KIAA0753: variants seen among roughly 807,000 people sequenced by gnomAD.
The protein encoded by KIAA0753 is protein moonraker.
In KIAA0753, 114 loss-of-function variants were observed where a neutral mutation model predicts 116.9. The observed-to-expected ratio is 0.98, with a 90% CI of 0.84 to 1.14. KIAA0753 has a LOEUF of 1.14. Among genes scored for constraint, KIAA0753 ranks in the 50% most tolerant of loss-of-function variants. KIAA0753 has a pLI of 0.00. For synonymous variants in KIAA0753, 405 were observed against 413.1 expected (o/e 0.98, Z 0.24); for missense variants, 1,156 against 1,172.4 (o/e 0.99, Z 0.20).
intron 8 of KIAA0753, among the ~76,000 whole-genome samples, chr17:6,611,641 G>GA (rs1309402485): frequency 2.0e-5 from 3 of 151,632 alleles, no homozygotes; most frequent in Non-Finnish European, 4.4e-5. Flanking sequence ...ATCAGAAGCA[G>GA]AAAAAAAACT....
At chr17:6,610,437 T>A (rs1356570286) in intron 8 of KIAA0753, among the ~76,000 whole-genome samples, 1 of 151,720 alleles carries the variant, frequency 6.6e-6, no homozygotes, top group Non-Finnish European at 1.5e-5. Context: ...TTTTTATTTA[T>A]TCACAATTTG....
In KIAA0753 at chr17:6,635,083, A is replaced by G. The variant is rs1677237718; in HGVS notation, c.21T>C (p.Ala7=). Residue 7 remains alanine (A), a synonymous_variant, in exon 2 of 19, where the codon GCT becomes GCC. Coordinates refer to ENST00000361413, the MANE Select transcript of KIAA0753 (RefSeq NM_014804.3). The part of the protein sequence containing the change: MGPGQP[A]STCVHLAPRT... Reference sequence around the variant, plus strand: ...TAGGTGCTAGATGAACACAGGTTGAAGCTGGCTGGCCTGGTCCCATAATGT... The same window carrying G: ...TAGGTGCTAGATGAACACAGGTTGAGGCTGGCTGGCCTGGTCCCATAATGT... 6.2e-7 allele frequency: 1 copy of G among 1,613,824 alleles called. No homozygotes were observed. Among genetic ancestry groups the G allele is most frequent in the Non-Finnish European group, 8.5e-7 (1 of 1,179,832 alleles).
chr17:6,607,440 A>C (rs1297134693), intron 10 of KIAA0753, among the ~76,000 whole-genome samples, 170 bp from the exon 11 acceptor site: 1 of 152,196 alleles, frequency 6.6e-6, no homozygotes, highest in African/African-American at 2.4e-5. Flanking sequence ...AGCTCTCTAG[A>C]ACGTGTTCCA....
Position 6,589,787 on chromosome 17 carries a change from T to C in KIAA0753, c.2778A>G (p.Ile926Met), listed in dbSNP as rs61735435. ...EAVGSFNPWL[I>M]AESFSEELVD... is the part of the protein sequence containing the mutation. Reference sequence around the variant, plus strand: ...CGTAACATTTTACTGACCTTTCAGCTATCAGCCACGGGTTGAAGGAGCCTA... The same window carrying C: ...CGTAACATTTTACTGACCTTTCAGCCATCAGCCACGGGTTGAAGGAGCCTA... The change falls in exon 18 of 19, where the codon ATA (isoleucine) becomes ATG (methionine). Residue 926 changes from isoleucine (I) to methionine (M), a missense_variant. By Grantham distance (10) the Ile-to-Met change is conservative. Coordinates refer to ENST00000361413, the MANE Select transcript of KIAA0753 (RefSeq NM_014804.3). The C allele has an allele frequency of 0.022, 35,255 of 1,600,498 alleles. 481 individuals carry two copies. Among genetic ancestry groups the C allele is most frequent in the South Asian group, 0.03 (2,686 of 88,340 alleles).
chr17:6,604,523 G>A (rs1403097410), intron 12 of KIAA0753, among the ~76,000 whole-genome samples: 5 of 152,090 alleles, frequency 3.3e-5, no homozygotes, highest in Non-Finnish European at 7.4e-5. Context: ...ATGATGTAAA[G>A]AAAAGAAGTC....
At chr17:6,581,531 G>A (rs1968179588) in intron 18 of KIAA0753, among the ~76,000 whole-genome samples, 1 of 152,176 alleles carries the variant, frequency 6.6e-6, no homozygotes, top group African/African-American at 2.4e-5. Context: ...GATACTTTGA[G>A]ACTATGTAAA....
chr17:6,588,774 A>G (rs978918093), intron 18 of KIAA0753, among the ~76,000 whole-genome samples: 10 of 152,166 alleles, frequency 6.6e-5, no homozygotes, highest in Non-Finnish European at 1.5e-4. Flanking sequence ...TAAAAAGAAT[A>G]GATTTACACC....
At chr17:6,589,664 T>G in intron 18 of KIAA0753, 115 bp downstream of exon 18, 1 of 696,306 alleles carries the variant, frequency 1.4e-6, no homozygotes, top group Non-Finnish European at 2.3e-6. Context: ...CCACTGAAAC[T>G]CCAGGGCCCA....
At chr17:6,633,588 T>C (rs1365162277) in intron 2 of KIAA0753, among the ~76,000 whole-genome samples, 2 of 152,220 alleles carry the variant, frequency 1.3e-5, no homozygotes, top group East Asian at 3.9e-4. Flanking sequence ...TGTATAAGAA[T>C]GTTCATAGCA....
Position 6,623,500 on chromosome 17 carries a change from G to T in KIAA0753, c.888+9C>A. 6.3e-7 allele frequency: 1 copy of T among 1,583,020 alleles called. No individual in the cohort carries two copies. Among genetic ancestry groups the T allele is most frequent in the East Asian group, 2.2e-5 (1 of 44,686 alleles). ...AGCAAGTATTGATCATAATTTAATTGCAGCATACCTTCTTAGTGTGTTTAA... is the reference window on the plus strand; with the variant it reads ...AGCAAGTATTGATCATAATTTAATTTCAGCATACCTTCTTAGTGTGTTTAA... On this transcript the variant is annotated intron_variant, in intron 5 of 18. Transcript: ENST00000361413.
At chr17:6,599,531 T>C (rs1969710230) in intron 13 of KIAA0753, among the ~76,000 whole-genome samples, 1 of 152,264 alleles carries the variant, frequency 6.6e-6, no homozygotes, top group African/African-American at 2.4e-5. Flanking sequence ...CCCTCAACTC[T>C]GTAAACATTG....
At chr17:6,620,355 G>A (rs917237482) in intron 7 of KIAA0753, among the ~76,000 whole-genome samples, 11 of 151,254 alleles carry the variant, frequency 7.3e-5, no homozygotes, top group Admixed American at 5.9e-4. Flanking sequence ...TTAAATGTAC[G>A]TACTGTTATC....
At chr17:6,616,617 G>A (rs1037892151) in intron 7 of KIAA0753, among the ~76,000 whole-genome samples, 1 of 152,206 alleles carries the variant, frequency 6.6e-6, no homozygotes, top group African/African-American at 2.4e-5. Context: ...CTGAGGTCAG[G>A]AGTTCGAGAC....
chr17:6,611,231 G>A lies in KIAA0753; in HGVS notation c.1545+688C>T, dbSNP rs546329802. On this transcript the variant is annotated intron_variant, in intron 8 of 18. Transcript: ENST00000361413. ...CTGGCTCCCAAAGCCATATTAGAAA[G>A]CACTCACCCTAGGATGCCCTTTTAA... Among the ~76,000 whole-genome samples, 15 of 152,192 alleles carry A rather than the reference G, an allele frequency of 9.9e-5. No individual in the cohort carries two copies. In the East Asian group the frequency reaches 2.9e-3, roughly 29 times the overall value.
At chr17:6,596,078 C>T in intron 15 of KIAA0753, 80 bp downstream of exon 15, 1 of 1,354,510 alleles carries the variant, frequency 7.4e-7, no homozygotes, top group Non-Finnish European at 1.0e-6. Flanking sequence ...ACAGATGAGG[C>T]TGCAGAGGCA....
intron 12 of KIAA0753, among the ~76,000 whole-genome samples, chr17:6,601,966 A>C (rs1969904354): frequency 6.6e-6 from 1 of 152,218 alleles, no homozygotes; most frequent in South Asian, 2.1e-4. Context: ...ACTTAAAAAA[A>C]ATTCTAATAG....
rs1294202734 is a variant in KIAA0753 at position 6,589,823 on chromosome 17, A to C, written c.2742T>G (p.Ser914=). The C allele has an allele frequency of 1.9e-6, 3 of 1,613,932 alleles. No homozygotes were observed. Among genetic ancestry groups the C allele is most frequent in the Non-Finnish European group, 2.5e-6 (3 of 1,179,920 alleles). Residue 914 remains serine (S), a synonymous_variant, in exon 18 of 19, where the codon TCT becomes TCG. Coordinates refer to ENST00000361413, the MANE Select transcript of KIAA0753 (RefSeq NM_014804.3). ...GGTTGAAGGAGCCTACAGCCTCATG[A>C]GATATGATCCGAAGGTACTGCTCAA... The part of the protein sequence containing the change: ...SRFEQYLRII[S]HEAVGSFNPW...
At chr17:6,616,725 C>G (rs370228107) in intron 7 of KIAA0753, among the ~76,000 whole-genome samples, 3 of 152,298 alleles carry the variant, frequency 2.0e-5, no homozygotes, top group East Asian at 1.9e-4. Context: ...ATTTGGGAGG[C>G]TGAGGCAGGA....
intron 10 of KIAA0753, among the ~76,000 whole-genome samples, chr17:6,608,130 T>C (rs1330073867): frequency 6.6e-6 from 1 of 152,210 alleles, no homozygotes; most frequent in Non-Finnish European, 1.5e-5. Flanking sequence ...ATATAATTTA[T>C]GAATGAATAA....
Sources: gnomAD v4.1 joint callset for allele counts (sites outside exome capture counted in the v4.1 genomes callset) on GRCh38, gnomAD v4.1.1 for gene constraint, MANE v1.5 for transcripts, NCBI Gene and HGNC (gene_info 2026-07-23, HGNC 2026-07-21) for gene names.